The following SMARCA4 variants were observed in gnomAD, a reference collection of about 807,000 sequenced individuals.
The protein encoded by SMARCA4 is SWI/SNF related BAF chromatin remodeling complex subunit ATPase 4.
A neutral mutation model predicts 193.9 loss-of-function variants in SMARCA4; 31 were observed. That is an observed-to-expected ratio of 0.16 (90% CI 0.12 to 0.22). The LOEUF (loss-of-function observed/expected upper bound fraction) is 0.22, where lower values mean the gene tolerates loss of function less well. Among genes scored for constraint, SMARCA4 ranks in the 10% least tolerant of loss-of-function variants. SMARCA4 has a pLI of 1.00. For missense variants in SMARCA4, 1,148 were observed against 2,296.0 expected, an observed-to-expected ratio of 0.50 and a Z score of 10.22; for synonymous variants, 942 against 933.1, an observed-to-expected ratio of 1.01 and a Z score of -0.17.
intron 1 of SMARCA4, among the ~76,000 whole-genome samples, chr19:10,975,266 C>G (rs2085037968): frequency 6.7e-6 from 1 of 150,090 alleles, no homozygotes; most frequent in South Asian, 2.1e-4. Flanking sequence ...ATCTGCCTTC[C>G]TTGGCCTCCA....
At position 11,034,215 on chromosome 19, in the gene SMARCA4, C is replaced by T. The variant is rs2075122098; in HGVS notation, c.3951+15C>T. ...ATCTGTTCATGGTAAGCGCTGCAGG[C>T]TGGATGGGGCAGTTCAGGCATCCCA... is the stretch of plus-strand genomic sequence containing the variant. On this transcript the variant is annotated intron_variant, in intron 28 of 34. Transcript: ENST00000344626. The surrounding 1 kb of genome is among the most constrained non-coding windows in gnomAD (Gnocchi z 7.0). 1.2e-6 allele frequency: 2 copies of T among 1,601,852 alleles called. No individual in the cohort carries two copies. The highest frequency in any genetic ancestry group is 1.3e-5 in the African/African-American group (1 of 74,698).
At chr19:11,027,684 G>C in intron 23 of SMARCA4, 100 bp from the exon 24 acceptor site, 1 of 1,315,156 alleles carries the variant, frequency 7.6e-7, no homozygotes, top group East Asian at 2.3e-5. Context: ...TGAACCCGGC[G>C]CCTGGCCTGG....
At position 11,051,615 on chromosome 19, in the gene SMARCA4, C is replaced by T. The variant is rs370790013; in HGVS notation, c.4425-6640C>T. Among the ~76,000 whole-genome samples the T allele has an allele frequency of 1.8e-3, 274 of 151,934 alleles. 11 individuals carry two copies. The South Asian group carries it at 0.053, about 29-fold the overall frequency. On this transcript the variant is annotated intron_variant, in intron 30 of 34. Coordinates refer to ENST00000344626, the MANE Select transcript of SMARCA4 (RefSeq NM_003072.5). ...AAGCAATTCTCCTGTTTCAGCCTCC[C>T]GAGTAGCTGGGACTACAGGCATGCA...
intron 29 of SMARCA4, among the ~76,000 whole-genome samples, chr19:11,038,377 G>T (rs760673505): frequency 6.6e-6 from 1 of 152,194 alleles, no homozygotes. Flanking sequence ...CGAGGTTCCA[G>T]GTAGACATGA....
In SMARCA4 at chr19:11,033,158, A is replaced by C; in HGVS notation, c.3547-132A>C. 1.4e-6 allele frequency: 1 copy of C among 737,480 alleles called. No homozygotes were observed. The highest frequency in any genetic ancestry group is 2.4e-6 in the Non-Finnish European group (1 of 412,012). The allele number at this position is 737,480 out of a possible 1,614,324, so 45.7% of individuals were successfully genotyped here. ...ACCAGCTCTGTTTTCATGCGGCGGC[A>C]GGTCAGGCTGGGCAGAATTGTCAGG... On this transcript the variant is annotated intron_variant, in intron 25 of 34. Coordinates refer to ENST00000344626, the MANE Select transcript of SMARCA4 (RefSeq NM_003072.5). This position sits in a 1 kb window ranked among gnomAD's most constrained non-coding sequence, Gnocchi z 9.8.
intron 13 of SMARCA4, among the ~76,000 whole-genome samples, chr19:11,007,546 C>G (rs1021150418): frequency 2.6e-5 from 4 of 151,350 alleles, no homozygotes; most frequent in African/African-American, 9.7e-5. Context: ...TGAGACCAGC[C>G]CGGGGAATGT....
intron 21 of SMARCA4, 99 bp from the exon 22 acceptor site, chr19:11,025,323 C>T (rs1015972261): frequency 5.1e-6 from 4 of 785,826 alleles, no homozygotes; most frequent in Non-Finnish European, 9.0e-6. Flanking sequence ...CCCACTAGAG[C>T]GTCCCCATGG....
At position 11,015,124 on chromosome 19, in the gene SMARCA4, A is replaced by G. The variant is rs76991117; in HGVS notation, c.2438+2012A>G. On this transcript the variant is annotated intron_variant, in intron 16 of 34. Transcript: ENST00000344626. ...CACTGTGCCTGGCGACCTCATTCTT[A>G]GAAAACATTGTAGAGTTAGTGTAAA... 8.0e-3 allele frequency among the ~76,000 whole-genome samples: 1,212 copies of G among 152,202 alleles called. 14 individuals are homozygous for G. Among genetic ancestry groups the G allele is most frequent in the African/African-American group, 0.028 (1,150 of 41,524 alleles).
chr19:10,994,539 C>T (rs905432603), intron 8 of SMARCA4, among the ~76,000 whole-genome samples: 15 of 151,696 alleles, frequency 9.9e-5, no homozygotes, highest in South Asian at 2.1e-4. Context: ...ACCATGGTCT[C>T]GATCTCCTGA....
intron 1 of SMARCA4, among the ~76,000 whole-genome samples, chr19:10,964,709 C>T (rs1389895719): frequency 2.6e-5 from 4 of 152,054 alleles, no homozygotes; most frequent in Non-Finnish European, 5.9e-5. Flanking sequence ...CCTCCGCCTC[C>T]TGGTCTCAAG....
At chr19:11,029,971 C>T (rs969966609) in intron 24 of SMARCA4, among the ~76,000 whole-genome samples, 18 of 152,178 alleles carry the variant, frequency 1.2e-4, no homozygotes, top group East Asian at 1.9e-4. Flanking sequence ...TCACCGCGCC[C>T]GGCCTGCCAG....
At chr19:10,993,788 G>T (rs1441933079) in intron 8 of SMARCA4, among the ~76,000 whole-genome samples, 1 of 152,024 alleles carries the variant, frequency 6.6e-6, no homozygotes, top group Non-Finnish European at 1.5e-5. Context: ...TGGGACTACA[G>T]GTGCCAGCCA....
rs1009301689 is a variant in SMARCA4, at chr19:11,044,777, C to T, written c.4424+3217C>T. On this transcript the variant is annotated intron_variant, in intron 30 of 34. Transcript: ENST00000344626. ...TTCTGAGGCTCAGCCTGTACATACC[C>T]TCTGACCCAGCAGCCTGCAGCCCTC... Among the ~76,000 whole-genome samples the T allele has an allele frequency of 2.6e-5, 4 of 152,200 alleles. No individual in the cohort carries two copies. The East Asian group carries it at 7.7e-4, about 29-fold the overall frequency.
rs1568511815 is a variant in SMARCA4 at position 11,034,090 on chromosome 19, C to T, written c.3874-33C>T. The T allele has an allele frequency of 5.1e-6, 8 of 1,580,846 alleles. No homozygotes were observed. Among genetic ancestry groups the T allele is most frequent in the Non-Finnish European group, 7.0e-6 (8 of 1,150,606 alleles). On this transcript the variant is annotated intron_variant, in intron 27 of 34. Transcript: ENST00000344626. This position sits in a 1 kb window ranked among gnomAD's most constrained non-coding sequence, Gnocchi z 7.0. ...TCGGCCGCCGCCCACCCCGGCCCCT[C>T]CTCAGCGGCACTGACAGTTTGCAAT...
At position 11,058,698 on chromosome 19, in the gene SMARCA4, C is replaced by G; in HGVS notation, c.4534-90C>G. ...CACATCCTCATAGGCACGAGGAATC[C>G]TAGCCCGTGGGGTCTCCAGCACACA... On this transcript the variant is annotated intron_variant, in intron 31 of 34. Transcript: ENST00000344626. This position sits in a 1 kb window ranked among gnomAD's most constrained non-coding sequence, Gnocchi z 5.8. The G allele has an allele frequency of 8.9e-7, 1 of 1,127,714 alleles. No individual in the cohort carries two copies. The highest frequency in any genetic ancestry group is 1.5e-5 in the African/African-American group (1 of 65,300). The allele number at this position is 1,127,714 out of a possible 1,614,324, so 69.9% of individuals were successfully genotyped here. A position where few individuals can be genotyped will look rare whatever the true frequency, so the allele number is the denominator to read the frequency against.
chr19:11,019,401 T>G lies in SMARCA4; in HGVS notation c.2506-190T>G, dbSNP rs1034155176. 23 of 624,776 alleles carry G rather than the reference T, an allele frequency of 3.7e-5. No homozygotes were observed. The East Asian group carries it at 4.1e-4, about 11-fold the overall frequency. 38.7% of individuals were successfully genotyped at this position (624,776 alleles called of 1,614,324 possible). On this transcript the variant is annotated intron_variant, in intron 17 of 34. Coordinates refer to ENST00000344626, the MANE Select transcript of SMARCA4 (RefSeq NM_003072.5). This position sits in a 1 kb window ranked among gnomAD's most constrained non-coding sequence, Gnocchi z 6.1. ...GGCCTGCACTGCTTCCTCTTCCCCC[T>G]GCAGCGCGTGTTCTGCGTGGTGAGG...
Position 11,041,544 on chromosome 19 carries a change from A to G in SMARCA4, c.4408A>G (p.Ile1470Val), listed in dbSNP as rs2146823151. 1.9e-6 allele frequency: 3 copies of G among 1,613,542 alleles called. No homozygotes were observed. Among genetic ancestry groups the G allele is most frequent in the Non-Finnish European group, 2.5e-6 (3 of 1,179,980 alleles). ...GATGAAGAAGATTGTGGATGCCGTG[A>G]TCAAGTACAAGGACAGGTAAGCGAG... ...KKMKKIVDAV[I>V]KYKDSSSGRQ... Residue 1470 changes from isoleucine to valine, a missense_variant, in exon 30 of 35, where the codon ATC becomes GTC. Physicochemically the swap from Ile to Val is conservative, Grantham distance 29. Transcript: ENST00000344626. The surrounding 1 kb of genome is among the most constrained non-coding windows in gnomAD (Gnocchi z 5.6).
intron 1 of SMARCA4, chr19:10,977,720 T>C (rs1228086681): frequency 6.6e-6 from 1 of 152,270 alleles, no homozygotes; most frequent in Non-Finnish European, 1.5e-5. Context: ...ATGCTCCTAG[T>C]GCGATACCTT....
intron 1 of SMARCA4, among the ~76,000 whole-genome samples, chr19:10,976,810 T>C (rs1186891673): frequency 6.7e-6 from 1 of 148,538 alleles, no homozygotes; most frequent in African/African-American, 2.5e-5. Context: ...ATCCTAGCAC[T>C]TTGGGAGGCC....
Sources: gnomAD v4.1 joint callset for allele counts (sites outside exome capture counted in the v4.1 genomes callset) on GRCh38, gnomAD v4.1.1 for gene constraint, Gnocchi (gnomAD v3.1) non-coding constraint, MANE v1.5 for transcripts, NCBI Gene and HGNC (gene_info 2026-07-23, HGNC 2026-07-21) for gene names.